Variants in ZNF844 observed in about 807,000 individuals in gnomAD.
The protein encoded by ZNF844 is zinc finger protein 844.
Under a neutral mutation model 11.4 loss-of-function variants are expected in ZNF844, and 11 were observed. The observed-to-expected ratio is 0.97, with a 90% CI of 0.61 to 1.60. ZNF844 has a LOEUF of 1.60. ZNF844 is among the 40% of genes most tolerant of loss of function. ZNF844 has a pLI of 0.00. For missense variants in ZNF844, 790 were observed against 796.8 expected, an observed-to-expected ratio of 0.99 and a Z score of 0.10; for synonymous variants, 248 against 260.3, an observed-to-expected ratio of 0.95 and a Z score of 0.46.
At position 12,064,978 on chromosome 19, in the gene ZNF844, C is replaced by A. The variant is rs529096651; in HGVS notation, c.3+102C>A. 7.1e-5 allele frequency: 93 copies of A among 1,318,832 alleles called. 2 individuals carry two copies. In the East Asian group the frequency reaches 2.7e-3, roughly 39 times the overall value. The allele number at this position is 1,318,832 out of a possible 1,614,324, so 81.7% of individuals were successfully genotyped here. A position where few individuals can be genotyped will look rare whatever the true frequency, so the allele number is the denominator to read the frequency against. On this transcript the variant is annotated intron_variant, in intron 1 of 3. Coordinates refer to ENST00000439326, the MANE Select transcript of ZNF844 (RefSeq NM_001136501.3). Reference sequence around the variant, plus strand: ...GGCTGTGCCGGGACCCGGACCTCCCCGCGGCGACTCGAGGTCTGGGGCCCG... The same window carrying A: ...GGCTGTGCCGGGACCCGGACCTCCCAGCGGCGACTCGAGGTCTGGGGCCCG...
rs531308485 is a variant in ZNF844, at chr19:12,075,945, C to A, written c.825C>A (p.His275Gln). The part of the protein sequence containing the change: ...PNSLYEHRRT[H>Q]TGEKPYECKQ... ...CCCTTTATGAACATAGAAGAACTCACACTGGAGAGAAGCCATATGAATGCA... is the reference window on the plus strand; with the variant it reads ...CCCTTTATGAACATAGAAGAACTCAAACTGGAGAGAAGCCATATGAATGCA... Residue 275 changes from histidine to glutamine, a missense_variant, in exon 4 of 4, where the codon CAC (histidine) becomes CAA (glutamine). Physicochemically the swap from His to Gln is conservative, Grantham distance 24. Transcript: ENST00000439326. The A allele has an allele frequency of 3.2e-5, 52 of 1,600,114 alleles. No individual in the cohort carries two copies. The Admixed American group carries it at 5.6e-4, about 17-fold the overall frequency.
rs938282897 is a variant in ZNF844 at position 12,077,449 on chromosome 19, C to A, written c.*328C>A. ...TTTCAGTATCATGAAAAGACCCACA[C>A]CAGAGAGAAACACTATGAATGTAAG... is the stretch of plus-strand genomic sequence containing the variant. On this transcript the variant is annotated 3_prime_UTR_variant, in exon 4 of 4. Transcript: ENST00000439326. The A allele has an allele frequency of 1.6e-6, 1 of 633,886 alleles. No individual in the cohort carries two copies. The highest frequency in any genetic ancestry group is 3.0e-6 in the Non-Finnish European group (1 of 337,024). 39.3% of individuals were successfully genotyped at this position (633,886 alleles called of 1,614,324 possible). A position where few individuals can be genotyped will look rare whatever the true frequency, so the allele number is the denominator to read the frequency against.
In ZNF844 at chr19:12,076,918, T is replaced by C; in HGVS notation, c.1798T>C (p.Ser600Pro). The C allele has an allele frequency of 6.3e-7, 1 of 1,592,260 alleles. No homozygotes were observed. Among genetic ancestry groups the C allele is most frequent in the African/African-American group, 1.4e-5 (1 of 73,438 alleles). Reference protein sequence around the residue: ...SVTKHSYLPRSFEYMQEHTLE... With the variant: ...SVTKHSYLPRPFEYMQEHTLE... The stretch of plus-strand genomic sequence containing the variant: ...GACAAAGCATTCATATCTGCCAAGA[T>C]CCTTCGAGTACATGCAAGAACACAC... Residue 600 changes from serine to proline, a missense_variant, in exon 4 of 4, where the codon TCC becomes CCC. By Grantham distance (74) the Ser-to-Pro change is moderately conservative. Around this residue, in one of 3 missense-constraint regions of ZNF844, gnomAD observed 657 missense variants for 636.2 expected, o/e 1.03. Coordinates refer to ENST00000439326, the MANE Select transcript of ZNF844 (RefSeq NM_001136501.3).
At chr19:12,072,829 C>T (rs975923951) in intron 1 of ZNF844, among the ~76,000 whole-genome samples, 1 of 152,006 alleles carries the variant, frequency 6.6e-6, no homozygotes, top group African/African-American at 2.4e-5. Context: ...AGGTGATCCA[C>T]CCACCTCGGC....
intron 1 of ZNF844, among the ~76,000 whole-genome samples, chr19:12,066,609 C>T (rs1975691950): frequency 6.9e-6 from 1 of 144,366 alleles, no homozygotes; most frequent in South Asian, 2.2e-4. Flanking sequence ...TGCAGTGACG[C>T]GATCTCGGCT....
At chr19:12,072,669 C>T (rs28379640) in intron 1 of ZNF844, among the ~76,000 whole-genome samples, 2,250 of 152,138 alleles carry the variant, frequency 0.015, 63 homozygotes, top group African/African-American at 0.052. Context: ...CTGCAACCTC[C>T]GCCTCCCAGC....
chr19:12,066,440 C>G (rs1975688908), intron 1 of ZNF844, among the ~76,000 whole-genome samples: 1 of 151,834 alleles, frequency 6.6e-6, no homozygotes, highest in African/African-American at 2.4e-5. Context: ...ACTCTGTTCC[C>G]CCCGCCCCGA....
chr19:12,076,698 A>G lies in ZNF844; in HGVS notation c.1578A>G (p.Thr526=), dbSNP rs1975827066. The G allele has an allele frequency of 1.2e-6, 2 of 1,613,890 alleles. No individual in the cohort carries two copies. Among genetic ancestry groups the G allele is most frequent in the Non-Finnish European group, 1.7e-6 (2 of 1,179,954 alleles). ...PHTFKCMKGL[T]LESNCMNLNN... The stretch of plus-strand genomic sequence containing the variant: ...CCTTCAAATGCATGAAAGGACTCAC[A>G]CTGGAAAGCAACTGTATGAATCTAA... The change falls in exon 4 of 4, where the codon ACA becomes ACG. Residue 526 remains threonine, a synonymous_variant. Transcript: ENST00000439326.
rs551696654 is a variant in ZNF844, at chr19:12,065,753, C to T, written c.3+877C>T. Among the ~76,000 whole-genome samples, 6 of 151,376 alleles carry T rather than the reference C, an allele frequency of 4.0e-5. No individual in the cohort carries two copies. The South Asian group carries it at 1.2e-3, about 31-fold the overall frequency. ...CCCGGATTCAAGCGATTCTTCTGCT[C>T]AGCTTCCCTAGTAGCTGGGGTTACA... On this transcript the variant is annotated intron_variant, in intron 1 of 3. Coordinates refer to ENST00000439326, the MANE Select transcript of ZNF844 (RefSeq NM_001136501.3).
In ZNF844 at chr19:12,075,857, C is replaced by T. The variant is rs922200846; in HGVS notation, c.737C>T (p.Thr246Ile). The change falls in exon 4 of 4, where the codon ACT becomes ATT. Residue 246 changes from threonine to isoleucine, a missense_variant. This residue lies in a region of ZNF844 where 657 missense variants were observed against 636.2 expected (regional missense o/e 1.03). Coordinates refer to ENST00000439326, the MANE Select transcript of ZNF844 (RefSeq NM_001136501.3). ...ACTTCCCTTCAAATACATGAAAGAA[C>T]TCACACTGGAGAGAAGCCTTATGAA... Reference protein sequence around the residue: ...YSTSLQIHERTHTGEKPYECK... With the variant: ...YSTSLQIHERIHTGEKPYECK... 10 of 1,611,390 alleles carry T rather than the reference C, an allele frequency of 6.2e-6. No homozygotes were observed. The highest frequency in any genetic ancestry group is 8.5e-6 in the Non-Finnish European group (10 of 1,178,922).
At position 12,075,805 on chromosome 19, in the gene ZNF844, C is replaced by T; in HGVS notation, c.685C>T (p.Gln229Ter). Reference protein sequence around the residue: ...HTGEKPYKCKQCGKAFSYSTS... With the variant: ...HTGEKPYKCK Reference sequence around the variant, plus strand: ...TGGAGAGAAACCATATAAATGTAAACAATGTGGTAAAGCCTTTAGTTATTC... The same window carrying T: ...TGGAGAGAAACCATATAAATGTAAATAATGTGGTAAAGCCTTTAGTTATTC... The change falls in exon 4 of 4, where the codon CAA becomes TAA. Residue 229 changes from glutamine to a stop codon, truncating the protein, a stop_gained. Transcript: ENST00000439326. LOFTEE classifies it low-confidence loss of function (END_TRUNC). 6.2e-7 allele frequency: 1 copy of T among 1,611,598 alleles called. No individual in the cohort carries two copies. The highest frequency in any genetic ancestry group is 8.5e-7 in the Non-Finnish European group (1 of 1,178,848).
intron 1 of ZNF844, among the ~76,000 whole-genome samples, chr19:12,070,807 C>T (rs1975746019): frequency 1.3e-5 from 2 of 152,188 alleles, no homozygotes; most frequent in South Asian, 2.1e-4. Context: ...TTGAACTCAA[C>T]CTGAATGCAT....
intron 1 of ZNF844, among the ~76,000 whole-genome samples, chr19:12,071,035 C>G (rs1013680530): frequency 6.6e-6 from 1 of 152,128 alleles, no homozygotes; most frequent in Non-Finnish European, 1.5e-5. Flanking sequence ...AGGAAGTGGG[C>G]TCCGAGGAGC....
rs183677602 is a variant in ZNF844 at position 12,077,751 on chromosome 19, G to T, written c.*630G>T. 3.7e-5 allele frequency: 14 copies of T among 383,058 alleles called. No individual in the cohort carries two copies. Among genetic ancestry groups the T allele is most frequent in the African/African-American group, 2.5e-4 (12 of 47,500 alleles). 23.7% of individuals were successfully genotyped at this position (383,058 alleles called of 1,614,324 possible). ...GCAATATGGGAAAGCCTTCAGATTT[G>T]CTAAGAACCTTCAAATACAGACAAT... is the stretch of plus-strand genomic sequence containing the variant. On this transcript the variant is annotated 3_prime_UTR_variant, in exon 4 of 4. Transcript: ENST00000439326.
chr19:12,071,161 C>T (rs1053437902), intron 1 of ZNF844, among the ~76,000 whole-genome samples: 1 of 152,106 alleles, frequency 6.6e-6, no homozygotes, highest in East Asian at 1.9e-4. Context: ...AGAACACTCC[C>T]TCATTTCCCC....
chr19:12,079,229 A>G lies in ZNF844; in HGVS notation c.*2108A>G, dbSNP rs1186910807. ...CTGAATGCAAGCAATATGGAAAAGC[A>G]TTCCATTGTATCAGATCCTTTTGTA... On this transcript the variant is annotated 3_prime_UTR_variant, in exon 4 of 4. Transcript: ENST00000439326. The G allele has an allele frequency of 6.6e-6, 1 of 152,212 alleles. No individual in the cohort carries two copies. The highest frequency in any genetic ancestry group is 1.5e-5 in the Non-Finnish European group (1 of 68,042). 9.4% of individuals were successfully genotyped at this position (152,212 alleles called of 1,614,324 possible).
At chr19:12,074,774 T>C (rs1173325589) in intron 3 of ZNF844, among the ~76,000 whole-genome samples, 1 of 152,076 alleles carries the variant, frequency 6.6e-6, no homozygotes, top group African/African-American at 2.4e-5. Context: ...ATCACTTGAG[T>C]CCAGGAGTTC....
In ZNF844 at chr19:12,079,907, T is replaced by G. The variant is rs1208659370; in HGVS notation, c.*2786T>G. ...GTTGCAGTGAGCCAAGATCACAGCA[T>G]TGCACTTCAGCCTGGGCAACAAGAG... On this transcript the variant is annotated 3_prime_UTR_variant, in exon 4 of 4. Transcript: ENST00000439326. 6.7e-6 allele frequency: 1 copy of G among 149,714 alleles called. No individual in the cohort carries two copies. Among genetic ancestry groups the G allele is most frequent in the Non-Finnish European group, 1.5e-5 (1 of 68,582 alleles). 9.3% of individuals were successfully genotyped at this position (149,714 alleles called of 1,614,324 possible). A position where few individuals can be genotyped will look rare whatever the true frequency, so the allele number is the denominator to read the frequency against.
At chr19:12,066,156 G>A (rs1042196403) in intron 1 of ZNF844, among the ~76,000 whole-genome samples, 3 of 151,940 alleles carry the variant, frequency 2.0e-5, no homozygotes, top group African/African-American at 4.8e-5. Flanking sequence ...GAACTCCTGG[G>A]CTCAAGCGAT....
Sources: gnomAD v4.1 joint callset for allele counts (sites outside exome capture counted in the v4.1 genomes callset) on GRCh38, gnomAD v4.1.1 for gene constraint, gnomAD v4.1.1 regional missense constraint, MANE v1.5 for transcripts, NCBI Gene and HGNC (gene_info 2026-07-23, HGNC 2026-07-21) for gene names.